Variants in ABHD12 observed in about 807,000 individuals in gnomAD.
The protein encoded by ABHD12 is lysophosphatidylserine lipase ABHD12.
A neutral mutation model predicts 58.3 loss-of-function variants in ABHD12; 43 were observed. That is an observed-to-expected ratio of 0.74 (90% CI 0.58 to 0.95). ABHD12 has a LOEUF of 0.95. ABHD12 is among the 40% of genes least tolerant of loss of function. The pLI, the probability that ABHD12 is intolerant of heterozygous loss-of-function variation, is 0.00. For missense variants in ABHD12, 539 were observed against 537.2 expected (o/e 1.00, Z -0.03); for synonymous variants, 219 against 211.2 (o/e 1.04, Z -0.32).
chr20:25,295,715 C>A (rs779770864), downstream of ABHD12: 1 of 1,543,012 alleles, frequency 6.5e-7, no homozygotes, highest in South Asian at 1.1e-5. Context: ...CTGGGTGGGT[C>A]CATGTAGACG....
intron 1 of ABHD12, among the ~76,000 whole-genome samples, chr20:25,385,001 G>A (rs2090070007): frequency 6.6e-6 from 1 of 152,112 alleles, no homozygotes; most frequent in South Asian, 2.1e-4. Context: ...CCACTTCAGT[G>A]TATGTATGGA....
chr20:25,383,311 CG>C (rs773086734), intron 1 of ABHD12, among the ~76,000 whole-genome samples: 4 of 152,180 alleles, frequency 2.6e-5, no homozygotes. Flanking sequence ...TTGGCATTTA[CG>C]TATGAGGGTG....
chr20:25,298,977 G>C (rs1233134015), downstream of ABHD12, among the ~76,000 whole-genome samples: 2 of 152,228 alleles, frequency 1.3e-5, no homozygotes, highest in African/African-American at 4.8e-5. Context: ...GGGATTAGTT[G>C]CTTGGACAAC....
intron 2 of ABHD12, among the ~76,000 whole-genome samples, chr20:25,325,818 C>T (rs1220289423): frequency 2.0e-5 from 3 of 152,092 alleles, no homozygotes; most frequent in Non-Finnish European, 4.4e-5. Context: ...TGCCTGTAAA[C>T]CTAGCACTTT....
At chr20:25,301,530 C>G (rs1042697119) in intron 12 of ABHD12, among the ~76,000 whole-genome samples, 33 of 152,254 alleles carry the variant, frequency 2.2e-4, no homozygotes, top group African/African-American at 7.0e-4. Context: ...AAGCCTTGTC[C>G]CATGCACAGG....
intron 11 of ABHD12, chr20:25,303,204 C>T: frequency 8.3e-7 from 1 of 1,200,424 alleles, no homozygotes; most frequent in Non-Finnish European, 1.1e-6. Flanking sequence ...ATGAGCCCTT[C>T]CAGCTGAGTT....
intron 1 of ABHD12, among the ~76,000 whole-genome samples, chr20:25,389,492 T>C (rs1200204332): frequency 6.6e-6 from 1 of 152,022 alleles, no homozygotes; most frequent in African/African-American, 2.4e-5. Context: ...ACGCCTGAGA[T>C]CATCATATAG....
At chr20:25,322,191 T>A (rs1458920104) in intron 3 of ABHD12, among the ~76,000 whole-genome samples, 1 of 151,656 alleles carries the variant, frequency 6.6e-6, no homozygotes, top group Non-Finnish European at 1.5e-5. Flanking sequence ...CATTAAAATG[T>A]ATTCCAAGGA....
At position 25,369,622 on chromosome 20, in the gene ABHD12, G is replaced by A. The variant is rs376336517; in HGVS notation, c.191+20891C>T. The stretch of plus-strand genomic sequence containing the variant: ...TCACTTCCATTCAGATTGTGAGACC[G>A]CGTCTCAGTTCAAGAGGGTAAGATC... On this transcript the variant is annotated intron_variant, in intron 1 of 12. Transcript: ENST00000339157. Among the ~76,000 whole-genome samples, 30 of 152,290 alleles carry A rather than the reference G, an allele frequency of 2.0e-4. No homozygotes were observed. The East Asian group carries it at 4.8e-3, about 25-fold the overall frequency.
chr20:25,370,914 A>T (rs1359572737), intron 1 of ABHD12, among the ~76,000 whole-genome samples: 1 of 148,650 alleles, frequency 6.7e-6, no homozygotes, highest in Non-Finnish European at 1.5e-5. Flanking sequence ...CAAACTCCTG[A>T]GCTCAAGCAA....
At chr20:25,369,098 A>G (rs570669246) in intron 1 of ABHD12, among the ~76,000 whole-genome samples, 19 of 152,058 alleles carry the variant, frequency 1.2e-4, no homozygotes, top group Non-Finnish European at 2.6e-4. Flanking sequence ...AGCCTGGGTG[A>G]CAGAGAAGGA....
downstream of ABHD12, chr20:25,296,433 G>T (rs1302835463): frequency 6.2e-7 from 1 of 1,614,060 alleles, no homozygotes; most frequent in Admixed American, 1.7e-5. Context: ...GTTCTCCAGT[G>T]ACCGGACCAT....
At chr20:25,385,109 G>A (rs767527069) in intron 1 of ABHD12, among the ~76,000 whole-genome samples, 4 of 152,076 alleles carry the variant, frequency 2.6e-5, no homozygotes, top group South Asian at 2.1e-4. Context: ...AGGCCAAGGC[G>A]GGTGGAACAT....
intron 12 of ABHD12, chr20:25,295,080 G>A (rs1219511667): frequency 1.3e-6 from 2 of 1,570,732 alleles, no homozygotes; most frequent in Non-Finnish European, 1.8e-6. Flanking sequence ...ATTTCGTGAA[G>A]TGTGCTTCTG....
At chr20:25,366,748 C>G (rs2089827917) in intron 1 of ABHD12, among the ~76,000 whole-genome samples, 1 of 152,170 alleles carries the variant, frequency 6.6e-6, no homozygotes, top group Admixed American at 6.5e-5. Context: ...GTCCCAAAAA[C>G]CTTTATTAAC....
chr20:25,325,202 TCAAAAAAAAA>T (rs2089152770), intron 2 of ABHD12, among the ~76,000 whole-genome samples: 1 of 52,058 alleles, frequency 1.9e-5, no homozygotes, highest in African/African-American at 8.2e-5. Flanking sequence ...AGACCCTGTT[TCAAAAAAAAA>T]AAAAAAAAAA....
At chr20:25,301,098 G>A (rs967607213) in intron 12 of ABHD12, among the ~76,000 whole-genome samples, 5 of 152,332 alleles carry the variant, frequency 3.3e-5, no homozygotes, top group East Asian at 1.9e-4. Context: ...ACACAGGCAT[G>A]GAGACAAGGT....
intron 1 of ABHD12, among the ~76,000 whole-genome samples, chr20:25,383,225 G>A (rs1005296832): frequency 6.6e-6 from 1 of 151,808 alleles, no homozygotes; most frequent in Admixed American, 6.5e-5. Flanking sequence ...TTCTGGGTTA[G>A]GGGGAAGCCA....
rs1354568972 is a variant in ABHD12, at chr20:25,381,219, C to T, written c.191+9294G>A. Among the ~76,000 whole-genome samples, 22 of 152,196 alleles carry T rather than the reference C, an allele frequency of 1.4e-4. 1 individual carries two copies. Among genetic ancestry groups the T allele is most frequent in the Admixed American group, 1.4e-3 (22 of 15,280 alleles). Reference sequence around the variant, plus strand: ...CTCCTTGTCAGAAACATCCCCTGTACACCCAGACTGTGCACACACAGCCAC... The same window carrying T: ...CTCCTTGTCAGAAACATCCCCTGTATACCCAGACTGTGCACACACAGCCAC... On this transcript the variant is annotated intron_variant, in intron 1 of 12. Transcript: ENST00000339157.
Sources: allele counts gnomAD v4.1 joint callset (sites outside exome capture counted in the v4.1 genomes callset), GRCh38; gene constraint gnomAD v4.1.1; transcripts MANE v1.5; gene names NCBI Gene and HGNC (gene_info 2026-07-23, HGNC 2026-07-21).